Variants in DNAH11 observed in about 807,000 individuals in gnomAD.
DNAH11 encodes the protein dynein axonemal heavy chain 11.
Under a neutral mutation model 526.0 loss-of-function variants are expected in DNAH11, and 442 were observed. That is an observed-to-expected ratio of 0.84 (90% CI 0.78 to 0.91). The LOEUF (loss-of-function observed/expected upper bound fraction) is 0.91, where lower values mean the gene tolerates loss of function less well. Ranked by LOEUF, DNAH11 falls within the 40% of genes least tolerant of loss-of-function variation. DNAH11 has a pLI of 0.00. For missense variants in DNAH11, 6,989 were observed against 5,448.7 expected (o/e 1.28, Z -8.90); for synonymous variants, 2,461 against 1,935.9 (o/e 1.27, Z -7.12).
rs112557402 is a variant in DNAH11 at position 21,548,038 on chromosome 7, A to T, written c.495+2889A>T. Among the ~76,000 whole-genome samples, 937 of 152,304 alleles carry T rather than the reference A, an allele frequency of 6.2e-3. 6 individuals are homozygous for T. The highest frequency in any genetic ancestry group is 0.02 in the African/African-American group (849 of 41,560). On this transcript the variant is annotated intron_variant, in intron 2 of 81. Transcript: ENST00000409508. ...AAGACTCCTGCCACAATTATGAGAG[A>T]TGTAAGGATTGAACCTATCATACCT...
Position 21,750,097 on chromosome 7 carries a change from CTGATTTTAAA to C in DNAH11, c.8798-124_8798-115del. Reference sequence around the variant, plus strand: ...TAAATAAAAAAGAAACATGACGTTTCTGATTTTAAACTCTTACCATTTATGCTGAACTTTG... The same window carrying C: ...TAAATAAAAAAGAAACATGACGTTTCCTCTTACCATTTATGCTGAACTTTG... On this transcript the variant is annotated intron_variant, in intron 53 of 81. Coordinates refer to ENST00000409508, the MANE Select transcript of DNAH11 (RefSeq NM_001277115.2). 4 of 1,290,808 alleles carry C rather than the reference CTGATTTTAAA, an allele frequency of 3.1e-6. No homozygotes were observed. The South Asian group carries it at 6.5e-5, about 21-fold the overall frequency. 80.0% of individuals were successfully genotyped at this position (1,290,808 alleles called of 1,614,324 possible). A position where few individuals can be genotyped will look rare whatever the true frequency, so the allele number is the denominator to read the frequency against.
At chr7:21,741,767 C>T (rs995596014) in intron 48 of DNAH11, among the ~76,000 whole-genome samples, 160 bp from the exon 49 acceptor site, 3 of 152,114 alleles carry the variant, frequency 2.0e-5, no homozygotes, top group Non-Finnish European at 4.4e-5. Context: ...ATTCTGTTGG[C>T]TTAAGTAAAT....
Position 21,738,804 on chromosome 7 carries a change from G to A in DNAH11, c.7749G>A (p.Val2583=), listed in dbSNP as rs1785736786. ...TCGACGACATGAACATGCCTGAAGTGGACTTATATGGCACCGTTCAGCCTC... is the reference window on the plus strand; with the variant it reads ...TCGACGACATGAACATGCCTGAAGTAGACTTATATGGCACCGTTCAGCCTC... The part of the protein sequence containing the change: ...YFIDDMNMPE[V]DLYGTVQPHT... The change falls in exon 47 of 82, where the codon GTG becomes GTA. Residue 2583 remains valine (V), a synonymous_variant. Transcript: ENST00000409508. The A allele has an allele frequency of 5.0e-6, 8 of 1,603,696 alleles. No individual in the cohort carries two copies. Among genetic ancestry groups the A allele is most frequent in the Non-Finnish European group, 6.8e-6 (8 of 1,174,760 alleles).
Position 21,637,738 on chromosome 7 carries a change from G to A in DNAH11, c.4817+36G>A, listed in dbSNP as rs567996730. 6 of 1,312,128 alleles carry A rather than the reference G, an allele frequency of 4.6e-6. No homozygotes were observed. The Admixed American group carries it at 1.3e-4, about 29-fold the overall frequency. 81.3% of individuals were successfully genotyped at this position (1,312,128 alleles called of 1,614,324 possible). A position where few individuals can be genotyped will look rare whatever the true frequency, so the allele number is the denominator to read the frequency against. On this transcript the variant is annotated intron_variant, in intron 27 of 81. Transcript: ENST00000409508. ...AGCTATATAAGATAATCAATTTACT[G>A]TAATTTTATGAAGTCTTTTTCACAT...
chr7:21,608,006 G>T (rs1785369607), intron 20 of DNAH11, among the ~76,000 whole-genome samples: 1 of 145,308 alleles, frequency 6.9e-6, no homozygotes, highest in Non-Finnish European at 1.5e-5. Flanking sequence ...GTTAGTAAGT[G>T]ACAGAACTAG....
rs1449729406 is a variant in DNAH11 at position 21,744,850 on chromosome 7, T to C, written c.8317-20T>C. 1 of 1,592,312 alleles carries C rather than the reference T, an allele frequency of 6.3e-7. No individual in the cohort carries two copies. The highest frequency in any genetic ancestry group is 1.8e-5 in the Admixed American group (1 of 55,600). ...TATGGATGGTTGACATGCCATATTTTTCTCTTTCTCATCCTGCAGGGTATA... is the reference window on the plus strand; with the variant it reads ...TATGGATGGTTGACATGCCATATTTCTCTCTTTCTCATCCTGCAGGGTATA... On this transcript the variant is annotated intron_variant, in intron 50 of 81. Transcript: ENST00000409508.
intron 1 of DNAH11, among the ~76,000 whole-genome samples, chr7:21,544,149 C>T (rs796261894): frequency 4.6e-5 from 7 of 152,272 alleles, no homozygotes; most frequent in African/African-American, 1.7e-4. Flanking sequence ...TCTTCTTTTT[C>T]TTCCTTTTCT....
chr7:21,663,943 A>G (rs973063095), intron 30 of DNAH11, among the ~76,000 whole-genome samples: 1 of 152,012 alleles, frequency 6.6e-6, no homozygotes, highest in African/African-American at 2.4e-5. Flanking sequence ...ATATATCTCC[A>G]TTAGTCAGAT....
At chr7:21,596,654 G>A (rs914188350) in intron 14 of DNAH11, among the ~76,000 whole-genome samples, 1 of 152,156 alleles carries the variant, frequency 6.6e-6, no homozygotes, top group African/African-American at 2.4e-5. Flanking sequence ...TGATGAAAAT[G>A]CATTAAAAGT....
intron 57 of DNAH11, among the ~76,000 whole-genome samples, chr7:21,783,970 G>T (rs1276502882): frequency 6.6e-6 from 1 of 152,172 alleles, no homozygotes; most frequent in African/African-American, 2.4e-5. Flanking sequence ...CTTCAGATCT[G>T]TTCTTTAGGA....
rs1307690108 is a variant in DNAH11, at chr7:21,716,626, C to T, written c.6984-1149C>T. ...AAGATTCCACTTTCCACTCTGGCAG[C>T]TGATATGGGGTAAAATCAGTAGTTG... On this transcript the variant is annotated intron_variant, in intron 42 of 81. Transcript: ENST00000409508. Among the ~76,000 whole-genome samples, 3 of 152,186 alleles carry T rather than the reference C, an allele frequency of 2.0e-5. No homozygotes were observed. In the East Asian group the frequency reaches 5.8e-4, roughly 29 times the overall value.
Position 21,591,350 on chromosome 7 carries a change from G to C in DNAH11, c.2440G>C (p.Glu814Gln), listed in dbSNP as rs529566924. 1 of 1,613,760 alleles carries C rather than the reference G, an allele frequency of 6.2e-7. No homozygotes were observed. Among genetic ancestry groups the C allele is most frequent in the Non-Finnish European group, 8.5e-7 (1 of 1,179,696 alleles). ...GCAGGATGACTGCTGGGGCTACATC[G>C]AGAGGGTGAGGGCAGCCACGTCCGA... ...TWQDDCWGYI[E>Q]RVRAATSELE... The change falls in exon 14 of 82, where the codon GAG (glutamate) becomes CAG (glutamine). Residue 814 changes from glutamate (E) to glutamine (Q), a missense_variant. Glu to Gln is a conservative substitution (Grantham distance 29). Coordinates refer to ENST00000409508, the MANE Select transcript of DNAH11 (RefSeq NM_001277115.2).
At chr7:21,840,963 C>G (rs149986614) in intron 65 of DNAH11, among the ~76,000 whole-genome samples, 2 of 152,112 alleles carry the variant, frequency 1.3e-5, no homozygotes, top group East Asian at 3.9e-4. Context: ...GGGTGGATCA[C>G]CTGAGGTCAG....
At chr7:21,734,553 T>C (rs1310668629) in intron 45 of DNAH11, among the ~76,000 whole-genome samples, 3 of 152,186 alleles carry the variant, frequency 2.0e-5, no homozygotes, top group East Asian at 1.9e-4. Context: ...TGATCTAGAA[T>C]TGTGTATAAA....
rs149705700 is a variant in DNAH11, at chr7:21,835,702, A to G, written c.10692-6842A>G. 2.6e-3 allele frequency among the ~76,000 whole-genome samples: 400 copies of G among 152,284 alleles called. 1 individual carries two copies. Among genetic ancestry groups the G allele is most frequent in the African/African-American group, 9.0e-3 (374 of 41,558 alleles). Reference sequence around the variant, plus strand: ...AGCCTTTCCTGTAAAATCTGAAACAAGACAAGGATTCTCACTTCCACCACT... The same window carrying G: ...AGCCTTTCCTGTAAAATCTGAAACAGGACAAGGATTCTCACTTCCACCACT... On this transcript the variant is annotated intron_variant, in intron 65 of 81. Transcript: ENST00000409508.
At chr7:21,804,495 T>C (rs1789162295) in intron 62 of DNAH11, among the ~76,000 whole-genome samples, 1 of 152,208 alleles carries the variant, frequency 6.6e-6, no homozygotes. Context: ...CTGAAATGCA[T>C]AGTTCATTAT....
At chr7:21,579,260 C>T (rs553668411) in intron 8 of DNAH11, among the ~76,000 whole-genome samples, 3 of 152,190 alleles carry the variant, frequency 2.0e-5, no homozygotes, top group South Asian at 2.1e-4. Flanking sequence ...CTGAACAATA[C>T]TAGCACATCA....
chr7:21,870,621 T>C (rs1172601221), intron 73 of DNAH11, among the ~76,000 whole-genome samples: 10 of 152,218 alleles, frequency 6.6e-5, no homozygotes, highest in African/African-American at 2.4e-4. Context: ...AGGAGGGCTA[T>C]AGTCATCCTC....
chr7:21,794,228 C>A (rs1788607362), intron 61 of DNAH11, among the ~76,000 whole-genome samples: 1 of 152,190 alleles, frequency 6.6e-6, no homozygotes, highest in South Asian at 2.1e-4. Context: ...CCCACATCAT[C>A]ATCTCATTAG....
Sources: gnomAD v4.1 joint callset for allele counts (sites outside exome capture counted in the v4.1 genomes callset) on GRCh38, gnomAD v4.1.1 for gene constraint, MANE v1.5 for transcripts, NCBI Gene and HGNC (gene_info 2026-07-23, HGNC 2026-07-21) for gene names.